Variants in CARMIL1 observed in about 807,000 individuals in gnomAD.
CARMIL1 encodes capping protein regulator and myosin 1 linker 1.
CARMIL1 carries 90 observed loss-of-function variants against 177.1 expected under a neutral mutation model. The observed-to-expected ratio is 0.51, with a 90% CI of 0.43 to 0.61. The LOEUF is 0.61. Ranked by LOEUF, CARMIL1 falls within the 20% of genes least tolerant of loss-of-function variation. The probability of loss-of-function intolerance (pLI) is 0.00; values close to 1 mark genes in which losing one functional copy is unlikely to be tolerated. For missense variants in CARMIL1, 1,380 were observed against 1,667.0 expected (o/e 0.83, Z 3.00); for synonymous variants, 577 against 606.2 (o/e 0.95, Z 0.71).
chr6:25,408,292 TAAAA>T (rs1166997029), intron 2 of CARMIL1, among the ~76,000 whole-genome samples: 2 of 96,450 alleles, frequency 2.1e-5, no homozygotes. Flanking sequence ...TCTCTTAAAA[TAAAA>T]AAAAAAAAAA....
chr6:25,568,492 C>T (rs778972581), intron 29 of CARMIL1, among the ~76,000 whole-genome samples: 5 of 152,104 alleles, frequency 3.3e-5, no homozygotes, highest in Non-Finnish European at 7.4e-5. Flanking sequence ...TTTGATTATC[C>T]AAATTGGGGT....
chr6:25,537,982 C>T lies in CARMIL1; in HGVS notation c.2195C>T (p.Thr732Met), dbSNP rs377729426. 20 of 1,598,244 alleles carry T rather than the reference C, an allele frequency of 1.3e-5. No individual in the cohort carries two copies. Among genetic ancestry groups the T allele is most frequent in the East Asian group, 6.7e-5 (3 of 44,504 alleles). Reference protein sequence around the residue: ...RLMRDAKNSKTLLPNLYHVGG... With the variant: ...RLMRDAKNSKMLLPNLYHVGG... The stretch of plus-strand genomic sequence containing the variant: ...ATGCGTGATGCTAAGAACTCTAAAA[C>T]GGTGAGTTTCACTTCAGGCTGTGTG... The change falls in exon 25 of 37, where the codon ACG becomes ATG. Residue 732 changes from threonine (T) to methionine (M), a missense_variant and splice_region_variant. By Grantham distance (81) the Thr-to-Met change is moderately conservative (BLOSUM62 -1). Transcript: ENST00000329474.
At chr6:25,398,998 A>G (rs1032438381) in intron 2 of CARMIL1, among the ~76,000 whole-genome samples, 1 of 152,180 alleles carries the variant, frequency 6.6e-6, no homozygotes, top group African/African-American at 2.4e-5. Flanking sequence ...GTTAAACGTG[A>G]TAAGGTAAGT....
At chr6:25,496,483 A>C (rs1000142096) in intron 16 of CARMIL1, among the ~76,000 whole-genome samples, 1 of 151,880 alleles carries the variant, frequency 6.6e-6, no homozygotes, top group African/African-American at 2.4e-5. Context: ...AAAAAAAAAA[A>C]AAAAAAACCA....
At chr6:25,489,554 A>C (rs539984983) in intron 13 of CARMIL1, among the ~76,000 whole-genome samples, 24 of 152,314 alleles carry the variant, frequency 1.6e-4, no homozygotes, top group African/African-American at 5.1e-4. Context: ...CTAGTCACCA[A>C]GATAGAATTG....
intron 5 of CARMIL1, among the ~76,000 whole-genome samples, chr6:25,440,188 A>G (rs941410150): frequency 6.6e-6 from 1 of 152,240 alleles, no homozygotes; most frequent in Non-Finnish European, 1.5e-5. Flanking sequence ...CCTGCCTTCA[A>G]ACCATGAACT....
intron 2 of CARMIL1, among the ~76,000 whole-genome samples, chr6:25,367,812 G>A (rs571636451): frequency 6.6e-6 from 1 of 152,300 alleles, no homozygotes; most frequent in African/African-American, 2.4e-5. Context: ...AGGCTGGAGT[G>A]CAGTGGCATG....
chr6:25,331,912 A>G (rs1156894633), intron 2 of CARMIL1, among the ~76,000 whole-genome samples: 1 of 152,252 alleles, frequency 6.6e-6, no homozygotes, highest in Admixed American at 6.5e-5. Flanking sequence ...CATATTCTAA[A>G]TTGCTTTTAG....
chr6:25,600,643 G>A lies in CARMIL1; in HGVS notation c.3449G>A (p.Ser1150Asn). The change falls in exon 33 of 37, where the codon AGC becomes AAC. Residue 1150 changes from serine to asparagine, a missense_variant. Physicochemically the swap from Ser to Asn is conservative, Grantham distance 46. Transcript: ENST00000329474. ...IGKVERSDSK[S>N]SPQAGRRYGV... The stretch of plus-strand genomic sequence containing the variant: ...AAGGTGGAACGGAGTGACAGCAAGA[G>A]CAGCCCACAGGCAGGGCGGAGGTAT... 1 of 1,613,742 alleles carries A rather than the reference G, an allele frequency of 6.2e-7. No individual in the cohort carries two copies. Among genetic ancestry groups the A allele is most frequent in the Non-Finnish European group, 8.5e-7 (1 of 1,179,758 alleles).
At chr6:25,282,950 T>C (rs942239493) in intron 1 of CARMIL1, among the ~76,000 whole-genome samples, 1 of 152,246 alleles carries the variant, frequency 6.6e-6, no homozygotes, top group Non-Finnish European at 1.5e-5. Context: ...GGTACTCCTA[T>C]GTACATTTAT....
At position 25,339,049 on chromosome 6, in the gene CARMIL1, T is replaced by G. The variant is rs892888668; in HGVS notation, c.138+54140T>G. ...CTTTTCATGATTTTTTTTCTTAGTT[T>G]GTTCCCATTTTTGTCCCCATCAATA... On this transcript the variant is annotated intron_variant, in intron 2 of 36. Transcript: ENST00000329474. Among the ~76,000 whole-genome samples, 11 of 152,218 alleles carry G rather than the reference T, an allele frequency of 7.2e-5. No individual in the cohort carries two copies. In the East Asian group the frequency reaches 2.1e-3, roughly 29 times the overall value.
At chr6:25,457,754 T>C (rs966035725) in intron 8 of CARMIL1, among the ~76,000 whole-genome samples, 4 of 152,198 alleles carry the variant, frequency 2.6e-5, no homozygotes, top group Non-Finnish European at 5.9e-5. Flanking sequence ...AACACCTCCT[T>C]TGAGCCTTTA....
chr6:25,450,039 T>A, intron 6 of CARMIL1, 44 bp downstream of exon 6: 1 of 1,471,478 alleles, frequency 6.8e-7, no homozygotes, highest in Non-Finnish European at 9.3e-7. Context: ...GCTGGATGGA[T>A]ATCCCCCTGC....
In CARMIL1 at chr6:25,309,530, C is replaced by T. The variant is rs116864048; in HGVS notation, c.138+24621C>T. Among the ~76,000 whole-genome samples the T allele has an allele frequency of 2.5e-3, 384 of 151,544 alleles. 6 individuals carry two copies. The highest frequency in any genetic ancestry group is 0.023 in the Admixed American group (346 of 15,198). ...AAACCTCTTCCCTTTAACACTTATCCCCAGTCCACCTATCCTTCTCAGCCC... is the reference window on the plus strand; with the variant it reads ...AAACCTCTTCCCTTTAACACTTATCTCCAGTCCACCTATCCTTCTCAGCCC... On this transcript the variant is annotated intron_variant, in intron 2 of 36. Coordinates refer to ENST00000329474, the MANE Select transcript of CARMIL1 (RefSeq NM_017640.6).
chr6:25,286,540 G>A (rs1781534822), intron 2 of CARMIL1, among the ~76,000 whole-genome samples: 1 of 152,218 alleles, frequency 6.6e-6, no homozygotes, highest in Admixed American at 6.5e-5. Context: ...TTTTCTTGAT[G>A]TTGTTCAACA....
intron 8 of CARMIL1, among the ~76,000 whole-genome samples, chr6:25,454,419 CACGGGCTGTAGTCTGCTG>C (rs1001843562): frequency 2.6e-4 from 40 of 152,140 alleles, no homozygotes; most frequent in African/African-American, 9.4e-4. Context: ...AGATAGGTGT[CACGGGCTGTAGTCTGCTG>C]ATACCTGCTC....
chr6:25,406,746 G>A (rs1242893511), intron 2 of CARMIL1, among the ~76,000 whole-genome samples: 3 of 152,196 alleles, frequency 2.0e-5, no homozygotes, highest in African/African-American at 7.2e-5. Flanking sequence ...CCTATTGTGG[G>A]AAGGGCAGAT....
chr6:25,610,634 G>C (rs969358191), intron 36 of CARMIL1, among the ~76,000 whole-genome samples: 1 of 152,166 alleles, frequency 6.6e-6, no homozygotes, highest in Non-Finnish European at 1.5e-5. Context: ...CACTGTGCTC[G>C]CTCAGTCACA....
intron 2 of CARMIL1, among the ~76,000 whole-genome samples, chr6:25,373,589 C>CT (rs200205287): frequency 0.029 from 4,125 of 141,358 alleles, 59 homozygotes; most frequent in African/African-American, 0.036. Context: ...CTCTCTCTCT[C>CT]TTTTTTTTTT....
Sources: allele counts gnomAD v4.1 joint callset (sites outside exome capture counted in the v4.1 genomes callset), GRCh38; gene constraint gnomAD v4.1.1; transcripts MANE v1.5; gene names NCBI Gene and HGNC (gene_info 2026-07-23, HGNC 2026-07-21).